TMEM40: variants seen among roughly 807,000 people sequenced by gnomAD.
TMEM40 encodes transmembrane protein 40.
In TMEM40, 34 loss-of-function variants were observed where a neutral mutation model predicts 40.8. The observed-to-expected ratio is 0.83, with a 90% CI of 0.63 to 1.11. TMEM40 has a LOEUF of 1.11. TMEM40 is among the 50% of genes least tolerant of loss of function. The pLI is 0.00. For synonymous variants in TMEM40, 106 were observed against 107.0 expected, an observed-to-expected ratio of 0.99 and a Z score of 0.06; for missense variants, 296 against 280.2, an observed-to-expected ratio of 1.06 and a Z score of -0.40.
At chr3:12,751,197 G>T (rs570201616) in intron 1 of TMEM40, among the ~76,000 whole-genome samples, 1 of 149,988 alleles carries the variant, frequency 6.7e-6, no homozygotes, top group Non-Finnish European at 1.5e-5. Flanking sequence ...TTCTCTACAG[G>T]CCTCCTCTTA....
intron 1 of TMEM40, among the ~76,000 whole-genome samples, chr3:12,753,679 G>A (rs2061496684): frequency 6.6e-6 from 1 of 152,162 alleles, no homozygotes; most frequent in Admixed American, 6.6e-5. Context: ...GAGGACTCTA[G>A]CACCAACTCA....
intron 2 of TMEM40, among the ~76,000 whole-genome samples, chr3:12,749,032 C>G (rs2061451906): frequency 6.7e-6 from 1 of 149,382 alleles, no homozygotes; most frequent in Non-Finnish European, 1.5e-5. Context: ...GGGTTTCTTT[C>G]TTTTTTTTTT....
chr3:12,748,650 T>C lies in TMEM40; in HGVS notation c.211+5A>G. On this transcript the variant is annotated splice_donor_5th_base_variant and intron_variant, in intron 3 of 11. Transcript: ENST00000314124. Reference sequence around the variant, plus strand: ...AATATACATATATTTAAATCTCTGCTATACCTGAGGAGGAGGAGGATGAAG... The same window carrying C: ...AATATACATATATTTAAATCTCTGCCATACCTGAGGAGGAGGAGGATGAAG... The C allele has an allele frequency of 6.2e-7, 1 of 1,610,868 alleles. No homozygotes were observed. The highest frequency in any genetic ancestry group is 8.5e-7 in the Non-Finnish European group (1 of 1,178,774).
chr3:12,738,672 T>C (rs2061357523), intron 5 of TMEM40, 84 bp from the exon 6 acceptor site: 1 of 1,438,404 alleles, frequency 7.0e-7, no homozygotes. Context: ...TGGATCCTGC[T>C]CGGAGACTTC....
At chr3:12,750,043 G>A (rs1252412602) in intron 1 of TMEM40, among the ~76,000 whole-genome samples, 1 of 152,064 alleles carries the variant, frequency 6.6e-6, no homozygotes, top group Non-Finnish European at 1.5e-5. Context: ...AGTGGGAATT[G>A]GGGTGGTGGG....
At chr3:12,755,190 C>CTTTCTTTCTTT (rs1559533142) in intron 1 of TMEM40, among the ~76,000 whole-genome samples, 2 of 113,542 alleles carry the variant, frequency 1.8e-5, no homozygotes, top group African/African-American at 7.7e-5. Flanking sequence ...CTCCTTCCTT[C>CTTTCTTTCTTT]CTTCCTTCCT....
intron 5 of TMEM40, among the ~76,000 whole-genome samples, chr3:12,740,068 AATATT>A (rs1417154433): frequency 6.8e-6 from 1 of 146,912 alleles, no homozygotes; most frequent in Non-Finnish European, 1.5e-5. Context: ...ACAAATTATA[AATATT>A]ATATATTTAT....
At chr3:12,744,253 A>G (rs1403916567) in intron 3 of TMEM40, among the ~76,000 whole-genome samples, 1 of 152,140 alleles carries the variant, frequency 6.6e-6, no homozygotes, top group Non-Finnish European at 1.5e-5. Flanking sequence ...TTCCATGAAG[A>G]TAAGATAAGG....
intron 5 of TMEM40, among the ~76,000 whole-genome samples, chr3:12,741,030 G>A (rs886204535): frequency 6.6e-6 from 1 of 152,144 alleles, no homozygotes; most frequent in African/African-American, 2.4e-5. Flanking sequence ...TAGAACTCTG[G>A]ACTAGACAGG....
chr3:12,742,659 T>TA, intron 4 of TMEM40, 152 bp from the exon 5 acceptor site: 1 of 799,150 alleles, frequency 1.3e-6, no homozygotes, highest in Non-Finnish European at 2.0e-6. Context: ...GCAGCACAAG[T>TA]ACCTTCCCTT....
At chr3:12,764,139 C>T (rs1449882602), upstream of TMEM40, among the ~76,000 whole-genome samples, 2 of 152,078 alleles carry the variant, frequency 1.3e-5, no homozygotes, top group Admixed American at 6.6e-5. Context: ...GTCTTGAACT[C>T]CTGACCTCAG....
At chr3:12,761,358 A>C (rs1441498668), upstream of TMEM40, among the ~76,000 whole-genome samples, 1 of 152,188 alleles carries the variant, frequency 6.6e-6, no homozygotes, top group Non-Finnish European at 1.5e-5. Flanking sequence ...TAATCCCAGC[A>C]CTTTGGGAGG....
intron 3 of TMEM40, among the ~76,000 whole-genome samples, chr3:12,746,412 C>T (rs928088834): frequency 3.3e-5 from 5 of 152,126 alleles, no homozygotes; most frequent in Admixed American, 6.5e-5. Context: ...TTTTCTGTTT[C>T]GCTATATGCT....
At chr3:12,755,210 T>TCTTA (rs1213245116) in intron 1 of TMEM40, among the ~76,000 whole-genome samples, 11 of 100,738 alleles carry the variant, frequency 1.1e-4, no homozygotes, top group East Asian at 2.4e-4. Flanking sequence ...TTTCTTTCTT[T>TCTTA]CTTTCTCTCT....
chr3:12,740,494 G>A (rs2106608746), intron 5 of TMEM40, among the ~76,000 whole-genome samples: 1 of 144,434 alleles, frequency 6.9e-6, no homozygotes, highest in East Asian at 2.1e-4. Flanking sequence ...GAGTTCAGGA[G>A]ATCGAGACCA....
upstream of TMEM40, among the ~76,000 whole-genome samples, chr3:12,761,801 C>T (rs913412339): frequency 1.3e-5 from 2 of 151,698 alleles, no homozygotes; most frequent in African/African-American, 2.4e-5. Context: ...GTTATGGAGC[C>T]CTTGACACAT....
upstream of TMEM40, among the ~76,000 whole-genome samples, chr3:12,760,299 CCA>C (rs935238779): frequency 6.6e-6 from 1 of 152,158 alleles, no homozygotes; most frequent in Non-Finnish European, 1.5e-5. Flanking sequence ...TCAGCAGCTG[CCA>C]CACTCCCACT....
chr3:12,757,875 T>C (rs1408163482), intron 1 of TMEM40, among the ~76,000 whole-genome samples: 4 of 152,112 alleles, frequency 2.6e-5, no homozygotes, highest in Admixed American at 2.6e-4. Flanking sequence ...CTAATTTTTG[T>C]ATTTTTAGTA....
intron 1 of TMEM40, among the ~76,000 whole-genome samples, chr3:12,754,666 T>C (rs2061505451): frequency 2.0e-5 from 3 of 152,322 alleles, no homozygotes; most frequent in Admixed American, 1.3e-4. Flanking sequence ...GGGTCCTGCA[T>C]AGAATAAGTT....
Sources: gnomAD v4.1 joint callset for allele counts (sites outside exome capture counted in the v4.1 genomes callset) on GRCh38, gnomAD v4.1.1 for gene constraint, MANE v1.5 for transcripts, NCBI Gene and HGNC (gene_info 2026-07-23, HGNC 2026-07-21) for gene names.